The following MOCOS variants were observed in gnomAD, a reference collection of about 807,000 sequenced individuals.
The protein encoded by MOCOS is human molybdenum cofactor sulfurase.
In MOCOS, 86 loss-of-function variants were observed where a neutral mutation model predicts 83.6. The ratio of observed to expected loss-of-function variants is 1.03; its 90% CI spans 0.86 to 1.23. The LOEUF is 1.23. Ranked by LOEUF, MOCOS falls within the 50% of genes most tolerant of loss-of-function variation. The pLI, the probability that MOCOS is intolerant of heterozygous loss-of-function variation, is 0.00. For missense variants in MOCOS, 1,120 were observed against 1,126.9 expected, an observed-to-expected ratio of 0.99 and a Z score of 0.09; for synonymous variants, 445 against 434.7, an observed-to-expected ratio of 1.02 and a Z score of -0.29.
At chr18:36,208,143 G>A (rs956509281) in intron 6 of MOCOS, among the ~76,000 whole-genome samples, 1 of 152,010 alleles carries the variant, frequency 6.6e-6, no homozygotes, top group African/African-American at 2.4e-5. Context: ...AACCTTTTCC[G>A]TTGAATTTAT....
chr18:36,252,090 G>C (rs2091624168), intron 11 of MOCOS, among the ~76,000 whole-genome samples: 1 of 151,982 alleles, frequency 6.6e-6, no homozygotes, highest in South Asian at 2.1e-4. Flanking sequence ...TTTCAGTGCT[G>C]TCTCCCCATG....
intron 11 of MOCOS, among the ~76,000 whole-genome samples, chr18:36,254,920 T>C (rs542852605): frequency 6.6e-6 from 1 of 152,234 alleles, no homozygotes; most frequent in East Asian, 1.9e-4. Context: ...GAGATGGGGT[T>C]TCGCCATGTT....
intron 9 of MOCOS, among the ~76,000 whole-genome samples, chr18:36,233,268 T>C (rs77876103): frequency 0.023 from 3,545 of 152,280 alleles, 110 homozygotes; most frequent in East Asian, 0.14. Flanking sequence ...AGAGAGAACA[T>C]ACAATGTTTG....
intron 1 of MOCOS, among the ~76,000 whole-genome samples, chr18:36,193,171 C>T (rs1379126839): frequency 2.6e-4 from 39 of 149,902 alleles, no homozygotes; most frequent in Admixed American, 1.1e-3. Flanking sequence ...ATTAGCCGGG[C>T]GCGGTGGCGG....
In MOCOS at chr18:36,232,076, C is replaced by T. The variant is rs373931979; in HGVS notation, c.1960+11859C>T. Among the ~76,000 whole-genome samples, 14 of 152,266 alleles carry T rather than the reference C, an allele frequency of 9.2e-5. No homozygotes were observed. The East Asian group carries it at 1.5e-3, about 17-fold the overall frequency. On this transcript the variant is annotated intron_variant, in intron 9 of 14. Coordinates refer to ENST00000261326, the MANE Select transcript of MOCOS (RefSeq NM_017947.4). ...CCATCTCCTGGGCTCAAGCCTCAAG[C>T]GATCCTGCTACCTCAGCCTCCGGAG...
intron 6 of MOCOS, among the ~76,000 whole-genome samples, chr18:36,212,546 G>T (rs1195275432): frequency 6.6e-6 from 1 of 152,180 alleles, no homozygotes; most frequent in African/African-American, 2.4e-5. Flanking sequence ...ATTAGCCAAG[G>T]GTGAAGGAAC....
chr18:36,244,182 T>C (rs1189119072), intron 9 of MOCOS, among the ~76,000 whole-genome samples: 2 of 152,126 alleles, frequency 1.3e-5, no homozygotes, highest in African/African-American at 4.8e-5. Flanking sequence ...TGATTTTTTC[T>C]TTATTCTCTA....
chr18:36,213,327 G>A (rs370788603), intron 6 of MOCOS, 39 bp from the exon 7 acceptor site: 95 of 1,509,688 alleles, frequency 6.3e-5, no homozygotes, highest in Non-Finnish European at 8.2e-5. Flanking sequence ...AAAACTGCAC[G>A]TTGGTAATGG....
chr18:36,202,977 T>C (rs1279086263), intron 4 of MOCOS, 136 bp from the exon 5 acceptor site: 4 of 822,204 alleles, frequency 4.9e-6, no homozygotes, highest in South Asian at 2.8e-5. Context: ...CAATTAGAGA[T>C]GAGATTTAGG....
At chr18:36,226,964 G>A (rs919245944) in intron 9 of MOCOS, among the ~76,000 whole-genome samples, 3 of 146,706 alleles carry the variant, frequency 2.0e-5, no homozygotes, top group Non-Finnish European at 3.0e-5. Context: ...TTGACTCACT[G>A]CAAACTCTGC....
chr18:36,201,663 CAAAAAAA>C (rs200846253), intron 4 of MOCOS, among the ~76,000 whole-genome samples: 2 of 69,444 alleles, frequency 2.9e-5, no homozygotes, highest in Non-Finnish European at 5.5e-5. Flanking sequence ...ACTCCATCTC[CAAAAAAA>C]AAAAAAAAAG....
chr18:36,223,490 T>C (rs756027710), intron 9 of MOCOS, among the ~76,000 whole-genome samples: 9 of 152,168 alleles, frequency 5.9e-5, no homozygotes, highest in African/African-American at 1.9e-4. Flanking sequence ...TTGATTACTA[T>C]AGCTATAGTG....
At chr18:36,247,743 T>G (rs957147494) in intron 9 of MOCOS, among the ~76,000 whole-genome samples, 6 of 152,216 alleles carry the variant, frequency 3.9e-5, no homozygotes, top group Non-Finnish European at 5.9e-5. Flanking sequence ...GGAACTCAAA[T>G]TTTTGGCCAT....
chr18:36,263,339 T>C (rs915638918), intron 13 of MOCOS, among the ~76,000 whole-genome samples: 4 of 152,196 alleles, frequency 2.6e-5, no homozygotes, highest in African/African-American at 9.7e-5. Context: ...TGCAAAATTA[T>C]TGATCACAGG....
chr18:36,241,400 G>A (rs766868259), intron 9 of MOCOS, among the ~76,000 whole-genome samples: 25 of 152,286 alleles, frequency 1.6e-4, no homozygotes, highest in Admixed American at 3.9e-4. Flanking sequence ...AGCAGGGCAG[G>A]CATTAAATCT....
chr18:36,248,829 G>A, intron 9 of MOCOS, 93 bp from the exon 10 acceptor site: 1 of 1,023,918 alleles, frequency 9.8e-7, no homozygotes, highest in Admixed American at 1.9e-5. Flanking sequence ...GTACCATGCT[G>A]TTTTGGTTAC....
Position 36,200,102 on chromosome 18 carries a change from C to A in MOCOS, c.719C>A (p.Ala240Asp). The A allele has an allele frequency of 6.2e-7, 1 of 1,614,222 alleles. No homozygotes were observed. Among genetic ancestry groups the A allele is most frequent in the Non-Finnish European group, 8.5e-7 (1 of 1,180,036 alleles). Residue 240 changes from alanine to aspartate, a missense_variant, in exon 4 of 15, where the codon GCC becomes GAC. By Grantham distance (126) the Ala-to-Asp change is moderately radical (BLOSUM62 -2). Coordinates refer to ENST00000261326, the MANE Select transcript of MOCOS (RefSeq NM_017947.4). ...PGKWFVLLDAASYVSTSPLDL... is the reference protein window; with the variant it reads ...PGKWFVLLDADSYVSTSPLDL... ...AAGTGGTTTGTGCTGCTGGATGCAGCCTCCTACGTGAGCACCTCGCCTTTG... is the reference window on the plus strand; with the variant it reads ...AAGTGGTTTGTGCTGCTGGATGCAGACTCCTACGTGAGCACCTCGCCTTTG...
intron 1 of MOCOS, among the ~76,000 whole-genome samples, chr18:36,189,167 C>T (rs994539870): frequency 3.3e-5 from 5 of 152,084 alleles, no homozygotes; most frequent in Admixed American, 6.5e-5. Context: ...GAAAGTAGAG[C>T]TATGTTCTGG....
Position 36,260,147 on chromosome 18 carries a change from A to C in MOCOS, c.2381A>C (p.Glu794Ala). ...KRAFEEEKWD[E>A]ISIGSLRFQV... ...GCTTTTGAAGAAGAGAAATGGGATGAGATTTCAATTGGCTCTTTGCGTTTC... is the reference window on the plus strand; with the variant it reads ...GCTTTTGAAGAAGAGAAATGGGATGCGATTTCAATTGGCTCTTTGCGTTTC... The change falls in exon 13 of 15, where the codon GAG (glutamate) becomes GCG (alanine). Residue 794 changes from glutamate (E) to alanine (A), a missense_variant. Coordinates refer to ENST00000261326, the MANE Select transcript of MOCOS (RefSeq NM_017947.4). 6.2e-7 allele frequency: 1 copy of C among 1,614,196 alleles called. No individual in the cohort carries two copies. Among genetic ancestry groups the C allele is most frequent in the Non-Finnish European group, 8.5e-7 (1 of 1,180,034 alleles).
Sources: gnomAD v4.1 joint callset for allele counts (sites outside exome capture counted in the v4.1 genomes callset) on GRCh38, gnomAD v4.1.1 for gene constraint, MANE v1.5 for transcripts, NCBI Gene and HGNC (gene_info 2026-07-23, HGNC 2026-07-21) for gene names.